The following MYH10 variants were observed in gnomAD, a reference collection of about 807,000 sequenced individuals.
The protein encoded by MYH10 is myosin heavy chain 10, also known as myosin-10.
Under a neutral mutation model 257.8 loss-of-function variants are expected in MYH10, and 55 were observed. The ratio of observed to expected loss-of-function variants is 0.21; its 90% CI spans 0.17 to 0.27. The LOEUF (loss-of-function observed/expected upper bound fraction) is 0.27. Ranked by LOEUF, MYH10 falls within the 10% of genes least tolerant of loss-of-function variation. The pLI is 1.00. For synonymous variants in MYH10, 854 were observed against 921.7 expected, an observed-to-expected ratio of 0.93 and a Z score of 1.33; for missense variants, 1,631 against 2,500.6, an observed-to-expected ratio of 0.65 and a Z score of 7.42.
intron 4 of MYH10, among the ~76,000 whole-genome samples, chr17:8,584,525 A>G (rs752747585): frequency 6.6e-5 from 10 of 152,178 alleles, no homozygotes; most frequent in Admixed American, 1.3e-4. Context: ...CAGAGATAAC[A>G]TTGATTAGTG....
chr17:8,502,477 T>C lies in MYH10; in HGVS notation c.3600-1507A>G, dbSNP rs896131663. Among the ~76,000 whole-genome samples, 11 of 104,458 alleles carry C rather than the reference T, an allele frequency of 1.1e-4. No individual in the cohort carries two copies. In the East Asian group the frequency reaches 3.1e-3, roughly 30 times the overall value. The allele number at this position is 104,458 out of a possible 152,430, so 68.5% of individuals were successfully genotyped here. The stretch of plus-strand genomic sequence containing the variant: ...AGCAGCACGTTGTCTTTTGGGAAAA[T>C]AGTTGTGTGTGTGTGTGTGTGTGTG... On this transcript the variant is annotated intron_variant, in intron 28 of 42. Transcript: ENST00000360416.
intron 6 of MYH10, among the ~76,000 whole-genome samples, chr17:8,572,228 CTG>C (rs1291381550): frequency 2.5e-5 from 2 of 80,266 alleles, no homozygotes; most frequent in African/African-American, 9.0e-5. Context: ...CTTTTCCTCT[CTG>C]TGTGTGTGTG....
chr17:8,505,401 TTA>T (rs2081044351), intron 27 of MYH10, among the ~76,000 whole-genome samples: 1 of 152,174 alleles, frequency 6.6e-6, no homozygotes, highest in South Asian at 2.1e-4. Flanking sequence ...ATCTTTTTGT[TTA>T]TGTCTGTGGT....
Position 8,509,912 on chromosome 17 carries a change from C to T in MYH10, c.2990G>A (p.Arg997Gln), listed in dbSNP as rs750534832. Residue 997 changes from arginine to glutamine, a missense_variant, in exon 25 of 43, where the codon CGG becomes CAG. Physicochemically the swap from Arg to Gln is conservative, Grantham distance 43. This residue lies in a region of MYH10 where 169 missense variants were observed against 249.8 expected (regional missense o/e 0.68). Coordinates refer to ENST00000360416, the MANE Select transcript of MYH10 (RefSeq NM_001256012.3). ...EEQLDEEEGA[R>Q]QKLQLEKVTA... ...CACCTTTTCCAGCTGCAGCTTTTGCCGAGCCCCTTCCTCCTCGTCTAGCTG... is the reference window on the plus strand; with the variant it reads ...CACCTTTTCCAGCTGCAGCTTTTGCTGAGCCCCTTCCTCCTCGTCTAGCTG... The T allele has an allele frequency of 6.8e-6, 11 of 1,612,446 alleles. No homozygotes were observed. Among genetic ancestry groups the T allele is most frequent in the South Asian group, 2.2e-5 (2 of 90,910 alleles).
chr17:8,600,132 G>A (rs565714458), intron 3 of MYH10, among the ~76,000 whole-genome samples: 3 of 152,324 alleles, frequency 2.0e-5, no homozygotes, highest in Admixed American at 1.3e-4. Flanking sequence ...CATAACTCCA[G>A]AAGCATCAGC....
chr17:8,595,743 T>C (rs1398824566), intron 3 of MYH10, among the ~76,000 whole-genome samples: 1 of 151,346 alleles, frequency 6.6e-6, no homozygotes, highest in East Asian at 2.0e-4. Flanking sequence ...AGAACAGTTG[T>C]TTAACGGTGT....
Position 8,480,543 on chromosome 17 carries a change from A to G in MYH10, c.5265-18T>C, listed in dbSNP as rs373173388. The G allele has an allele frequency of 1.2e-6, 2 of 1,602,542 alleles. No homozygotes were observed. The highest frequency in any genetic ancestry group is 2.7e-5 in the African/African-American group (2 of 74,814). On this transcript the variant is annotated intron_variant, in intron 38 of 42. Transcript: ENST00000360416. Reference sequence around the variant, plus strand: ...GCGCGGACCTGGCGGGGAGAGGAGGAGGGGACGGTTCAATCCCAGCTCAGC... The same window carrying G: ...GCGCGGACCTGGCGGGGAGAGGAGGGGGGGACGGTTCAATCCCAGCTCAGC...
At chr17:8,502,822 G>A (rs1031270683) in intron 28 of MYH10, among the ~76,000 whole-genome samples, 1 of 152,150 alleles carries the variant, frequency 6.6e-6, no homozygotes, top group African/African-American at 2.4e-5. Context: ...TTTTTTGCAA[G>A]GGTTGGATGG....
At chr17:8,512,290 GT>G (rs2081323489) in intron 24 of MYH10, among the ~76,000 whole-genome samples, 160 bp downstream of exon 24, 2 of 152,186 alleles carry the variant, frequency 1.3e-5, no homozygotes, top group Admixed American at 1.3e-4. Flanking sequence ...TATTATAGGT[GT>G]GTTTCAAATG....
chr17:8,608,809 A>AT (rs1597965755), intron 2 of MYH10, among the ~76,000 whole-genome samples: 6 of 150,514 alleles, frequency 4.0e-5, no homozygotes, highest in African/African-American at 7.4e-5. Context: ...ATGATTGGGA[A>AT]ATTTTTTTTT....
Position 8,476,976 on chromosome 17 carries a change from C to T in MYH10, c.5779G>A (p.Ala1927Thr), listed in dbSNP as rs970243784. The change falls in exon 42 of 43, where the codon GCC becomes ACC. Residue 1927 changes from alanine (A) to threonine (T), a missense_variant. Ala to Thr is a moderately conservative substitution (Grantham distance 58). This residue lies in a region of MYH10 where 343 missense variants were observed against 389.5 expected (regional missense o/e 0.88). Coordinates refer to ENST00000360416, the MANE Select transcript of MYH10 (RefSeq NM_001256012.3). ...TGGAGTTTACGCCGAGATGCGTTGG[C>T]ACGCGTCGCTTCTTCTTCTGCTTCC... Reference protein sequence around the residue: ...LEEAEEEATRANASRRKLQRE... With the variant: ...LEEAEEEATRTNASRRKLQRE... 9.9e-6 allele frequency: 16 copies of T among 1,614,152 alleles called. No homozygotes were observed. Among genetic ancestry groups the T allele is most frequent in the Non-Finnish European group, 1.4e-5 (16 of 1,180,042 alleles).
chr17:8,595,575 G>C (rs914191285), intron 3 of MYH10, among the ~76,000 whole-genome samples: 3 of 151,964 alleles, frequency 2.0e-5, no homozygotes, highest in East Asian at 3.9e-4. Context: ...TGGGATTACA[G>C]GAATTCGCCA....
intron 14 of MYH10, among the ~76,000 whole-genome samples, chr17:8,540,443 G>C (rs1271404783): frequency 6.6e-6 from 1 of 152,014 alleles, no homozygotes; most frequent in African/African-American, 2.4e-5. Flanking sequence ...TTTTGTCCTA[G>C]AGGATAAAGC....
Position 8,506,312 on chromosome 17 carries a change from G to C in MYH10, c.3386+6C>G. 1 of 1,580,828 alleles carries C rather than the reference G, an allele frequency of 6.3e-7. No individual in the cohort carries two copies. Among genetic ancestry groups the C allele is most frequent in the Non-Finnish European group, 8.5e-7 (1 of 1,170,042 alleles). ...TCCCGTGCAGCGCAGCTGCTGGGCT[G>C]CAGACCTGGCCAGTGCGCCCTGCAG... On this transcript the variant is annotated splice_donor_region_variant and intron_variant, in intron 27 of 42. Transcript: ENST00000360416. The surrounding 1 kb of genome is among the most constrained non-coding windows in gnomAD (Gnocchi z 5.0).
intron 7 of MYH10, among the ~76,000 whole-genome samples, chr17:8,559,495 CT>C (rs554269580): frequency 2.4e-4 from 36 of 151,744 alleles, no homozygotes; most frequent in Non-Finnish European, 4.0e-4. Flanking sequence ...TTATTTTATT[CT>C]TTTTTTTAGC....
chr17:8,546,588 T>C lies in MYH10; in HGVS notation c.1234A>G (p.Lys412Glu). ...FTRAILTPRIKVGRDYVQKAQ... is the reference protein window; with the variant it reads ...FTRAILTPRIEVGRDYVQKAQ... The stretch of plus-strand genomic sequence containing the variant: ...TTTTGCACATAGTCTCGGCCGACCT[T>C]GATCCGGGGAGTCAGGATGGCCCGA... Residue 412 changes from lysine to glutamate, a missense_variant, in exon 12 of 43, where the codon AAG becomes GAG. Physicochemically the swap from Lys to Glu is moderately conservative, Grantham distance 56. Coordinates refer to ENST00000360416, the MANE Select transcript of MYH10 (RefSeq NM_001256012.3). The C allele has an allele frequency of 1.2e-6, 2 of 1,614,120 alleles. No individual in the cohort carries two copies. The highest frequency in any genetic ancestry group is 1.7e-6 in the Non-Finnish European group (2 of 1,180,004).
Position 8,552,728 on chromosome 17 carries a change from T to G in MYH10, c.821-584A>C, listed in dbSNP as rs2082677742. Among the ~76,000 whole-genome samples, 1 of 152,180 alleles carries G rather than the reference T, an allele frequency of 6.6e-6. No homozygotes were observed. Among genetic ancestry groups the G allele is most frequent in the Non-Finnish European group, 1.5e-5 (1 of 68,032 alleles). The stretch of plus-strand genomic sequence containing the variant: ...CGCCCTTCACACTCAGCAGCACATG[T>G]AACTTTCCCATATGCCTTGACAGCT... On this transcript the variant is annotated intron_variant, in intron 8 of 42. Coordinates refer to ENST00000360416, the MANE Select transcript of MYH10 (RefSeq NM_001256012.3). This position sits in a 1 kb window ranked among gnomAD's most constrained non-coding sequence, Gnocchi z 4.8.
intron 2 of MYH10, among the ~76,000 whole-genome samples, chr17:8,606,249 G>A (rs2084799571): frequency 6.6e-6 from 1 of 152,128 alleles, no homozygotes; most frequent in Non-Finnish European, 1.5e-5. Flanking sequence ...TTTTTTAAAT[G>A]TAGACAGAAT....
intron 7 of MYH10, among the ~76,000 whole-genome samples, chr17:8,555,893 A>G (rs1334588364): frequency 3.7e-5 from 2 of 53,708 alleles, no homozygotes; most frequent in African/African-American, 6.2e-5. Flanking sequence ...CACATGTGAT[A>G]AAAGGCTTGT....
Sources: gnomAD v4.1 joint callset for allele counts (sites outside exome capture counted in the v4.1 genomes callset) on GRCh38, gnomAD v4.1.1 for gene constraint, gnomAD v4.1.1 regional missense constraint, Gnocchi (gnomAD v3.1) non-coding constraint, MANE v1.5 for transcripts, NCBI Gene and HGNC (gene_info 2026-07-23, HGNC 2026-07-21) for gene names.